The following PRKCI variants were observed in gnomAD, a reference collection of about 807,000 sequenced individuals.
PRKCI encodes protein kinase C iota.
Under a neutral mutation model 84.0 loss-of-function variants are expected in PRKCI, and 43 were observed. The observed-to-expected ratio is 0.51, with a 90% CI of 0.40 to 0.66. The LOEUF (loss-of-function observed/expected upper bound fraction) is 0.66, where lower values mean the gene tolerates loss of function less well. PRKCI is among the 30% of genes least tolerant of loss of function. PRKCI has a pLI of 0.00. For missense variants in PRKCI, 459 were observed against 745.6 expected, an observed-to-expected ratio of 0.62 and a Z score of 4.48; for synonymous variants, 216 against 234.4, an observed-to-expected ratio of 0.92 and a Z score of 0.72.
chr3:170,291,979 T>C (rs1212051743), intron 13 of PRKCI, 38 bp downstream of exon 13: 1 of 1,418,660 alleles, frequency 7.0e-7, no homozygotes, highest in Admixed American at 1.7e-5. Context: ...TAGCTATTGC[T>C]AGATGGGTGG....
chr3:170,258,843 T>C (rs1433576422), intron 2 of PRKCI, among the ~76,000 whole-genome samples: 1 of 152,166 alleles, frequency 6.6e-6, no homozygotes, highest in Admixed American at 6.5e-5. Flanking sequence ...AAAGGAAAAA[T>C]TTGATAAAAT....
At chr3:170,251,044 A>G (rs1733431079) in intron 2 of PRKCI, among the ~76,000 whole-genome samples, 1 of 152,228 alleles carries the variant, frequency 6.6e-6, no homozygotes, top group Admixed American at 6.5e-5. Flanking sequence ...GTATATTCAA[A>G]GAAAATATTT....
chr3:170,291,656 C>T, intron 12 of PRKCI, 198 bp from the exon 13 acceptor site: 4 of 477,450 alleles, frequency 8.4e-6, no homozygotes, highest in Non-Finnish European at 1.6e-5. Context: ...GAGATCGTGC[C>T]ACTGCATGCC....
At chr3:170,296,876 C>A (rs1276882086) in intron 15 of PRKCI, among the ~76,000 whole-genome samples, 1 of 152,100 alleles carries the variant, frequency 6.6e-6, no homozygotes, top group African/African-American at 2.4e-5. Flanking sequence ...ATGGTTGTAT[C>A]ATTGTCTTAC....
chr3:170,257,626 T>A (rs1277586109), intron 2 of PRKCI, among the ~76,000 whole-genome samples: 1 of 151,868 alleles, frequency 6.6e-6, no homozygotes, highest in Non-Finnish European at 1.5e-5. Context: ...TTGTGGCTAC[T>A]GAATGAATGG....
At chr3:170,262,832 CTT>C (rs748452040) in intron 3 of PRKCI, among the ~76,000 whole-genome samples, 50 of 132,966 alleles carry the variant, frequency 3.8e-4, no homozygotes, top group Non-Finnish European at 4.3e-4. Flanking sequence ...TTCTTTCTTT[CTT>C]TTTTTTTTTT....
At chr3:170,252,657 A>G (rs368146321) in intron 2 of PRKCI, among the ~76,000 whole-genome samples, 45 of 150,678 alleles carry the variant, frequency 3.0e-4, no homozygotes, top group African/African-American at 1.1e-3. Context: ...GGAGTATAGT[A>G]GCATGATCAC....
intron 4 of PRKCI, among the ~76,000 whole-genome samples, chr3:170,267,367 A>T (rs963950615): frequency 6.6e-6 from 1 of 151,968 alleles, no homozygotes; most frequent in Non-Finnish European, 1.5e-5. Flanking sequence ...TTGGAGGAAA[A>T]TTTTTAAAAA....
chr3:170,238,460 T>A, intron 2 of PRKCI, among the ~76,000 whole-genome samples: 1 of 137,780 alleles, frequency 7.3e-6, no homozygotes, highest in Admixed American at 7.3e-5. Context: ...TTTGCATCAT[T>A]ACTCTTTTTT....
At chr3:170,231,379 C>T (rs2108835452) in intron 1 of PRKCI, among the ~76,000 whole-genome samples, 1 of 152,206 alleles carries the variant, frequency 6.6e-6, no homozygotes, top group East Asian at 1.9e-4. Context: ...AATAATTTAA[C>T]TGTCTTAGAA....
chr3:170,266,809 G>A (rs1057056842), intron 4 of PRKCI, among the ~76,000 whole-genome samples: 5 of 152,128 alleles, frequency 3.3e-5, no homozygotes, highest in African/African-American at 4.8e-5. Flanking sequence ...CCTGGCCAAC[G>A]TGGCAAAACC....
At chr3:170,259,289 T>G (rs1274703885) in intron 2 of PRKCI, among the ~76,000 whole-genome samples, 1 of 152,032 alleles carries the variant, frequency 6.6e-6, no homozygotes, top group Non-Finnish European at 1.5e-5. Flanking sequence ...GAGGATTGCT[T>G]GAGCCCAGGA....
chr3:170,235,315 G>A lies in PRKCI; in HGVS notation c.187G>A (p.Glu63Lys), dbSNP rs757899632. 17 of 1,613,886 alleles carry A rather than the reference G, an allele frequency of 1.1e-5. No homozygotes were observed. In the Admixed American group the frequency reaches 1.8e-4, roughly 17 times the overall value. ...TCGAGACATGTGTTCTTTTGACAAC[G>A]AACAGCTCTTCACCATGAAATGGAT... Reference protein sequence around the residue: ...EVRDMCSFDNEQLFTMKWIDE... With the variant: ...EVRDMCSFDNKQLFTMKWIDE... Residue 63 changes from glutamate to lysine, a missense_variant, in exon 2 of 18, where the codon GAA becomes AAA. Coordinates refer to ENST00000295797, the MANE Select transcript of PRKCI (RefSeq NM_002740.6).
At chr3:170,225,682 A>G (rs1732610672) in intron 1 of PRKCI, among the ~76,000 whole-genome samples, 2 of 151,714 alleles carry the variant, frequency 1.3e-5, no homozygotes, top group Admixed American at 6.6e-5. Context: ...TGCTGGGATT[A>G]CAGGTGTGAG....
intron 2 of PRKCI, among the ~76,000 whole-genome samples, chr3:170,254,498 G>A (rs1733535229): frequency 6.6e-6 from 1 of 151,986 alleles, no homozygotes; most frequent in Non-Finnish European, 1.5e-5. Context: ...GAGAAATAGG[G>A]GTCTAGTTTC....
chr3:170,226,394 G>C (rs909393738), intron 1 of PRKCI, among the ~76,000 whole-genome samples: 1 of 152,128 alleles, frequency 6.6e-6, no homozygotes, highest in African/African-American at 2.4e-5. Context: ...AGAGAAACAG[G>C]TTTCATTAAT....
rs1300695881 is a variant in PRKCI at position 170,303,417 on chromosome 3, A to AC, written c.*290_*291insC. ...GTTATCTTTTTTGTTTAAAAAAAAA[A>AC]AAAACACTGCATTAAAAAAGTATCT... On this transcript the variant is annotated 3_prime_UTR_variant, in exon 18 of 18. Coordinates refer to ENST00000295797, the MANE Select transcript of PRKCI (RefSeq NM_002740.6). 4.1e-5 allele frequency: 11 copies of AC among 267,642 alleles called. No homozygotes were observed. The highest frequency in any genetic ancestry group is 1.6e-4 in the Admixed American group (3 of 18,886). The allele number at this position is 267,642 out of a possible 1,614,324, so 16.6% of individuals were successfully genotyped here.
At chr3:170,295,675 CAAA>C (rs542714146) in intron 14 of PRKCI, among the ~76,000 whole-genome samples, 6 of 84,384 alleles carry the variant, frequency 7.1e-5, no homozygotes, top group Non-Finnish European at 4.9e-5. Flanking sequence ...GACTCCATCT[CAAA>C]AAAAAAAAAA....
At chr3:170,284,954 T>C (rs1443678093) in intron 12 of PRKCI, among the ~76,000 whole-genome samples, 2 of 152,206 alleles carry the variant, frequency 1.3e-5, no homozygotes, top group African/African-American at 4.8e-5. Context: ...GTGAATCTTA[T>C]ATAATGCATT....
Sources: gnomAD v4.1 joint callset for allele counts (sites outside exome capture counted in the v4.1 genomes callset) on GRCh38, gnomAD v4.1.1 for gene constraint, MANE v1.5 for transcripts, NCBI Gene and HGNC (gene_info 2026-07-23, HGNC 2026-07-21) for gene names.